Variants in DLG5 observed in about 807,000 individuals in gnomAD.
DLG5 encodes disks large homolog 5.
A neutral mutation model predicts 189.8 loss-of-function variants in DLG5; 48 were observed. That is an observed-to-expected ratio of 0.25 (90% confidence interval 0.20 to 0.32). The LOEUF is 0.32. DLG5 is among the 10% of genes least tolerant of loss of function. DLG5 has a pLI of 1.00. For missense variants in DLG5, 2,160 were observed against 2,544.7 expected (o/e 0.85, Z 3.25); for synonymous variants, 1,016 against 1,054.1 (o/e 0.96, Z 0.70).
intron 1 of DLG5, among the ~76,000 whole-genome samples, chr10:77,901,466 G>T (rs1338716362): frequency 6.6e-6 from 1 of 152,224 alleles, no homozygotes. Flanking sequence ...AACCCATCTG[G>T]ACTAACGCCG....
At position 77,914,598 on chromosome 10, in the gene DLG5, G is replaced by A. The variant is rs564188759; in HGVS notation, c.304+11619C>T. 4.0e-4 allele frequency among the ~76,000 whole-genome samples: 61 copies of A among 152,122 alleles called. 1 individual carries two copies. The South Asian group carries it at 9.6e-3, about 24-fold the overall frequency. ...ATGACATTCAGATGTCTCCAGTCCCGCAGCCTTGCTCCCTGGCTCCAAACC... is the reference window on the plus strand; with the variant it reads ...ATGACATTCAGATGTCTCCAGTCCCACAGCCTTGCTCCCTGGCTCCAAACC... On this transcript the variant is annotated intron_variant, in intron 1 of 31. Transcript: ENST00000372391.
At chr10:77,859,642 C>A (rs1205481126) in intron 2 of DLG5, among the ~76,000 whole-genome samples, 1 of 152,152 alleles carries the variant, frequency 6.6e-6, no homozygotes, top group African/African-American at 2.4e-5. Flanking sequence ...GGGGTAGATA[C>A]CATCTAAGTT....
intron 1 of DLG5, among the ~76,000 whole-genome samples, chr10:77,917,114 C>T (rs774523770): frequency 6.6e-6 from 1 of 151,696 alleles, no homozygotes; most frequent in South Asian, 2.1e-4. Flanking sequence ...GCGGCCAGAT[C>T]GCTTGAATCC....
the DLG5 span, among the ~76,000 whole-genome samples, chr10:77,940,683 C>T: frequency 6.6e-6 from 1 of 152,190 alleles, no homozygotes; most frequent in East Asian, 1.9e-4. Flanking sequence ...AGGTCCTCTC[C>T]TCCAGAGGTT....
intron 20 of DLG5, 61 bp downstream of exon 20, chr10:77,816,489 CG>C: frequency 1.2e-6 from 2 of 1,611,030 alleles, no homozygotes; most frequent in Non-Finnish European, 1.7e-6. Context: ...AGCCCAGGCC[CG>C]CTGCCGGGAT....
chr10:77,899,223 G>A (rs1184914821), intron 1 of DLG5, among the ~76,000 whole-genome samples: 1 of 152,194 alleles, frequency 6.6e-6, no homozygotes, highest in African/African-American at 2.4e-5. Flanking sequence ...CAGACTGGGG[G>A]AGCTCAGCAC....
At chr10:77,902,852 T>A (rs1033085284) in intron 1 of DLG5, among the ~76,000 whole-genome samples, 23 of 149,412 alleles carry the variant, frequency 1.5e-4, no homozygotes, top group African/African-American at 5.7e-4. Flanking sequence ...AGAGCGAGAC[T>A]CCATCTCAAA....
intron 1 of DLG5, among the ~76,000 whole-genome samples, chr10:77,916,015 G>C (rs112754333): frequency 6.6e-6 from 1 of 152,000 alleles, no homozygotes; most frequent in East Asian, 1.9e-4. Context: ...CCAGGAGTTC[G>C]AGACCAGCCT....
At chr10:77,913,981 C>G (rs534822217) in intron 1 of DLG5, among the ~76,000 whole-genome samples, 1 of 152,238 alleles carries the variant, frequency 6.6e-6, no homozygotes, top group Admixed American at 6.5e-5. Context: ...CTCCAAGTAC[C>G]TTCTGGCAAT....
intron 6 of DLG5, among the ~76,000 whole-genome samples, chr10:77,842,567 C>T (rs1020083709): frequency 5.3e-5 from 8 of 152,350 alleles, no homozygotes; most frequent in South Asian, 2.1e-4. Context: ...CCTCATTTCA[C>T]AGATACGAAC....
intron 20 of DLG5, chr10:77,816,055 T>G: frequency 2.2e-6 from 1 of 455,570 alleles, no homozygotes. Flanking sequence ...TATATTTTAT[T>G]TCACAACAGA....
At chr10:77,862,405 C>T (rs1844506903) in intron 2 of DLG5, among the ~76,000 whole-genome samples, 1 of 152,186 alleles carries the variant, frequency 6.6e-6, no homozygotes, top group African/African-American at 2.4e-5. Context: ...TCCTTTACCA[C>T]CATATGCCCA....
intron 3 of DLG5, among the ~76,000 whole-genome samples, chr10:77,855,234 G>A (rs1001444361): frequency 2.6e-5 from 4 of 152,128 alleles, no homozygotes; most frequent in Non-Finnish European, 4.4e-5. Flanking sequence ...CTCAGAGTGG[G>A]GTTCCCAGAC....
chr10:77,895,634 T>TA (rs1413207676), intron 1 of DLG5, among the ~76,000 whole-genome samples: 6 of 152,096 alleles, frequency 3.9e-5, no homozygotes, highest in Admixed American at 2.0e-4. Flanking sequence ...ACAGATTCTG[T>TA]AAAAAAAGGA....
At chr10:77,890,077 T>C (rs1845561600) in intron 1 of DLG5, among the ~76,000 whole-genome samples, 1 of 151,446 alleles carries the variant, frequency 6.6e-6, no homozygotes, top group African/African-American at 2.4e-5. Context: ...GAACCAAGAG[T>C]TGCAAGAAGA....
chr10:77,794,993 CA>C, intron 29 of DLG5, 35 bp from the exon 30 acceptor site: 1 of 1,569,512 alleles, frequency 6.4e-7, no homozygotes, highest in Non-Finnish European at 8.7e-7. Flanking sequence ...CCCTGGCGGG[CA>C]GTGAGGGGCA....
intron 1 of DLG5, among the ~76,000 whole-genome samples, chr10:77,925,508 G>A (rs1203798597): frequency 1.3e-5 from 2 of 152,186 alleles, no homozygotes; most frequent in South Asian, 2.1e-4. Context: ...AGACACAGGG[G>A]TTCCAAAAGG....
chr10:77,849,848 T>G (rs1414600182), intron 5 of DLG5, among the ~76,000 whole-genome samples: 1 of 152,134 alleles, frequency 6.6e-6, no homozygotes, highest in Non-Finnish European at 1.5e-5. Context: ...GAGGGCAGAG[T>G]GCTCCTTCTA....
At chr10:77,843,780 T>G in intron 5 of DLG5, 74 bp from the exon 6 acceptor site, 1 of 1,592,274 alleles carries the variant, frequency 6.3e-7, no homozygotes, top group Non-Finnish European at 8.6e-7. Context: ...CTCACTTTTG[T>G]CTATCTGAGG....
Sources: allele counts gnomAD v4.1 joint callset (sites outside exome capture counted in the v4.1 genomes callset), GRCh38; gene constraint gnomAD v4.1.1; transcripts MANE v1.5; gene names NCBI Gene and HGNC (gene_info 2026-07-23, HGNC 2026-07-21).